TMEM17: variants seen among roughly 807,000 people sequenced by gnomAD.
The protein encoded by TMEM17 is transmembrane protein 17.
TMEM17 carries 15 observed loss-of-function variants against 19.1 expected under a neutral mutation model. That is an observed-to-expected ratio of 0.78 (90% CI 0.52 to 1.21). The LOEUF (loss-of-function observed/expected upper bound fraction) is 1.21, where lower values mean the gene tolerates loss of function less well. Among genes scored for constraint, TMEM17 ranks in the 50% most tolerant of loss-of-function variants. The pLI is 0.00. For synonymous variants in TMEM17, 103 were observed against 86.9 expected (o/e 1.19, Z -1.03); for missense variants, 245 against 242.3 (o/e 1.01, Z -0.07).
chr2:62,476,776 T>G, the TMEM17 span, among the ~76,000 whole-genome samples: 1 of 152,244 alleles, frequency 6.6e-6, no homozygotes, highest in Non-Finnish European at 1.5e-5. Flanking sequence ...CATATCTCTA[T>G]GAATGTTAAA....
the TMEM17 span, among the ~76,000 whole-genome samples, chr2:62,494,877 A>C: frequency 1.3e-5 from 2 of 152,102 alleles, no homozygotes; most frequent in African/African-American, 4.8e-5. Flanking sequence ...TTAACCGGGC[A>C]TGGTGGCAGG....
the TMEM17 span, among the ~76,000 whole-genome samples, chr2:62,492,099 G>T: frequency 6.6e-6 from 1 of 152,182 alleles, no homozygotes; most frequent in African/African-American, 2.4e-5. Flanking sequence ...GCTGAGCAAT[G>T]TTCCTGCTTT....
the TMEM17 span, chr2:62,463,466 G>C: frequency 6.6e-6 from 1 of 152,192 alleles, no homozygotes; most frequent in Admixed American, 6.5e-5. Context: ...CAGTGGACAG[G>C]AGTTAGAGAA....
the TMEM17 span, among the ~76,000 whole-genome samples, chr2:62,484,691 T>C: frequency 2.0e-5 from 3 of 152,174 alleles, no homozygotes; most frequent in Non-Finnish European, 4.4e-5. Flanking sequence ...CTTTACGTTA[T>C]GTAAACTCTT....
chr2:62,465,131 T>G, the TMEM17 span, among the ~76,000 whole-genome samples: 1 of 152,188 alleles, frequency 6.6e-6, no homozygotes, highest in Non-Finnish European at 1.5e-5. Flanking sequence ...TGGGTCTTTG[T>G]TTCAGAGTTA....
the TMEM17 span, among the ~76,000 whole-genome samples, chr2:62,458,128 G>A: frequency 6.6e-6 from 1 of 152,352 alleles, no homozygotes; most frequent in South Asian, 2.1e-4. Flanking sequence ...ACTGCAGAGG[G>A]TGTTGTGAGG....
chr2:62,491,910 C>A, the TMEM17 span, among the ~76,000 whole-genome samples: 3 of 150,232 alleles, frequency 2.0e-5, no homozygotes, highest in South Asian at 2.1e-4. Context: ...GAAATTCCAA[C>A]CACAGGCAAA....
chr2:62,502,835 GT>G, intron 1 of TMEM17, 41 bp from the exon 2 acceptor site: 1 of 1,263,128 alleles, frequency 7.9e-7, no homozygotes, highest in Non-Finnish European at 1.1e-6. Flanking sequence ...TGAATCTTGG[GT>G]TTATGCCCTA....
At chr2:62,504,362 A>G (rs978961996) in intron 1 of TMEM17, among the ~76,000 whole-genome samples, 3 of 152,254 alleles carry the variant, frequency 2.0e-5, no homozygotes, top group African/African-American at 7.2e-5. Context: ...ACTTGTTATT[A>G]CAGTACAAAT....
At chr2:62,502,267 C>T in intron 3 of TMEM17, 170 bp downstream of exon 3, 1 of 454,340 alleles carries the variant, frequency 2.2e-6, no homozygotes, top group South Asian at 4.3e-5. Context: ...ATGAGGAAAC[C>T]AGGGCTCAAG....
chr2:62,466,088 C>CT, the TMEM17 span, among the ~76,000 whole-genome samples: 2 of 152,120 alleles, frequency 1.3e-5, no homozygotes, highest in African/African-American at 4.8e-5. Flanking sequence ...CCCCACTACC[C>CT]TGCAGAGCTC....
chr2:62,495,868 A>G (rs1336358881), downstream of TMEM17, among the ~76,000 whole-genome samples: 1 of 152,154 alleles, frequency 6.6e-6, no homozygotes, highest in Non-Finnish European at 1.5e-5. Flanking sequence ...AAAATTCAAT[A>G]TTCAAGAACA....
chr2:62,458,467 C>A, the TMEM17 span, among the ~76,000 whole-genome samples: 1 of 152,194 alleles, frequency 6.6e-6, no homozygotes, highest in Non-Finnish European at 1.5e-5. Flanking sequence ...TCAATGTCAG[C>A]CCAAGATCCA....
chr2:62,470,432 T>C, the TMEM17 span, among the ~76,000 whole-genome samples: 1 of 152,248 alleles, frequency 6.6e-6, no homozygotes, highest in Non-Finnish European at 1.5e-5. Context: ...CTGGTGTGGC[T>C]GCCCTCAGAG....
In TMEM17 at chr2:62,501,559, C is replaced by T. The variant is rs1196045811; in HGVS notation, c.319-72G>A. On this transcript the variant is annotated intron_variant, in intron 3 of 3. Transcript: ENST00000335390. ...TTCTGTTTATACAGATAAACAAGTACTTATCACTACCGTGAACCTACATTA... is the reference window on the plus strand; with the variant it reads ...TTCTGTTTATACAGATAAACAAGTATTTATCACTACCGTGAACCTACATTA... The T allele has an allele frequency of 1.1e-5, 16 of 1,434,066 alleles. No individual in the cohort carries two copies. In the Admixed American group the frequency reaches 3.6e-4, roughly 32 times the overall value. 88.8% of individuals were successfully genotyped at this position (1,434,066 alleles called of 1,614,324 possible).
In TMEM17 at chr2:62,500,590, T is replaced by G. The variant is rs537256629; in HGVS notation, c.*619A>C. ...CCTCCCAAGTAGCTGGGACTACAGG[T>G]GCCTGCAACCACGCCTAGCTAATTT... is the stretch of plus-strand genomic sequence containing the variant. On this transcript the variant is annotated 3_prime_UTR_variant, in exon 4 of 4. Transcript: ENST00000335390. 6.6e-6 allele frequency: 1 copy of G among 151,696 alleles called. No individual in the cohort carries two copies. The highest frequency in any genetic ancestry group is 2.1e-4 in the South Asian group (1 of 4,792). 9.4% of individuals were successfully genotyped at this position (151,696 alleles called of 1,614,324 possible).
the TMEM17 span, among the ~76,000 whole-genome samples, chr2:62,472,355 C>G: frequency 6.6e-6 from 1 of 152,172 alleles, no homozygotes; most frequent in Non-Finnish European, 1.5e-5. Flanking sequence ...GAATGAGAAG[C>G]CCTTCATGGT....
chr2:62,486,439 G>C, the TMEM17 span, among the ~76,000 whole-genome samples: 1 of 152,184 alleles, frequency 6.6e-6, no homozygotes, highest in Non-Finnish European at 1.5e-5. Context: ...TGTCCCTGGA[G>C]GCCCTCTGAT....
chr2:62,489,858 C>T, the TMEM17 span, among the ~76,000 whole-genome samples: 1 of 152,142 alleles, frequency 6.6e-6, no homozygotes, highest in Admixed American at 6.5e-5. Flanking sequence ...ATTTGAGCTC[C>T]ACAGTCTTTA....
Sources: allele counts gnomAD v4.1 joint callset (sites outside exome capture counted in the v4.1 genomes callset), GRCh38; gene constraint gnomAD v4.1.1; transcripts MANE v1.5; gene names NCBI Gene and HGNC (gene_info 2026-07-23, HGNC 2026-07-21).